EXOC4: variants seen among roughly 807,000 people sequenced by gnomAD.
EXOC4 encodes SEC8-like 1.
Under a neutral mutation model 107.2 loss-of-function variants are expected in EXOC4, and 71 were observed. The observed-to-expected ratio is 0.66, with a 90% CI of 0.55 to 0.81. The LOEUF (loss-of-function observed/expected upper bound fraction) is 0.81, where lower values mean the gene tolerates loss of function less well. Ranked by LOEUF, EXOC4 falls within the 30% of genes least tolerant of loss-of-function variation. The probability of loss-of-function intolerance (pLI) is 0.00; values close to 1 mark genes in which losing one functional copy is unlikely to be tolerated. For missense variants in EXOC4, 1,108 were observed against 1,189.6 expected (o/e 0.93, Z 1.01); for synonymous variants, 456 against 441.2 (o/e 1.03, Z -0.42).
At chr7:133,488,065 T>C (rs1189702734) in intron 9 of EXOC4, among the ~76,000 whole-genome samples, 1 of 152,188 alleles carries the variant, frequency 6.6e-6, no homozygotes, top group Admixed American at 6.5e-5. Flanking sequence ...AATGAATTTA[T>C]TATTGTCCCA....
At chr7:133,483,491 A>G (rs1023809496) in intron 9 of EXOC4, among the ~76,000 whole-genome samples, 24 of 152,204 alleles carry the variant, frequency 1.6e-4, no homozygotes, top group African/African-American at 5.3e-4. Flanking sequence ...AATCACTACA[A>G]TCTAACTAGG....
At chr7:133,475,578 GAAGTA>G (rs1798992371) in intron 8 of EXOC4, 105 bp downstream of exon 8, 1 of 1,026,824 alleles carries the variant, frequency 9.7e-7, no homozygotes. Context: ...TAAGTTGATT[GAAGTA>G]ATTTAGAGGA....
intron 10 of EXOC4, among the ~76,000 whole-genome samples, chr7:133,817,045 T>G (rs1478219788): frequency 6.6e-6 from 1 of 152,220 alleles, no homozygotes; most frequent in Non-Finnish European, 1.5e-5. Context: ...TTTCCCATTG[T>G]TTCTTGTAGT....
At chr7:133,369,041 G>A (rs1392276803) in intron 6 of EXOC4, among the ~76,000 whole-genome samples, 2 of 152,190 alleles carry the variant, frequency 1.3e-5, no homozygotes, top group Non-Finnish European at 2.9e-5. Flanking sequence ...TTGGGAGTTG[G>A]GCAGGGAATG....
intron 10 of EXOC4, among the ~76,000 whole-genome samples, chr7:133,673,096 T>G (rs1372175355): frequency 6.6e-6 from 1 of 152,208 alleles, no homozygotes; most frequent in Non-Finnish European, 1.5e-5. Flanking sequence ...CCAGGGCTTA[T>G]TTTAGAGGAG....
chr7:133,885,986 A>T (rs1799078146), intron 11 of EXOC4, among the ~76,000 whole-genome samples: 1 of 152,162 alleles, frequency 6.6e-6, no homozygotes, highest in Non-Finnish European at 1.5e-5. Context: ...AAGGATCGAG[A>T]AGTAAGAGGC....
At chr7:133,268,249 T>C (rs1380416275) in intron 1 of EXOC4, among the ~76,000 whole-genome samples, 2 of 152,352 alleles carry the variant, frequency 1.3e-5, no homozygotes, top group East Asian at 1.9e-4. Flanking sequence ...TCTGGGTGTT[T>C]TAAAATTCCA....
chr7:133,443,640 TG>T (rs1047082117), intron 7 of EXOC4, among the ~76,000 whole-genome samples: 1 of 152,144 alleles, frequency 6.6e-6, no homozygotes, highest in Admixed American at 6.5e-5. Flanking sequence ...CTTGACCTCC[TG>T]GGGGCATCAG....
At chr7:133,980,455 T>A (rs1489100193) in intron 14 of EXOC4, among the ~76,000 whole-genome samples, 6 of 152,236 alleles carry the variant, frequency 3.9e-5, no homozygotes, top group Admixed American at 3.9e-4. Context: ...GCTGAAAATG[T>A]AGTCACTTCA....
chr7:133,451,034 T>C (rs1272704770), intron 7 of EXOC4, among the ~76,000 whole-genome samples: 3 of 152,184 alleles, frequency 2.0e-5, no homozygotes, highest in Non-Finnish European at 4.4e-5. Flanking sequence ...ATACAGACAG[T>C]GCAAGAGTGG....
intron 14 of EXOC4, among the ~76,000 whole-genome samples, chr7:133,940,523 G>A (rs1800401468): frequency 6.6e-6 from 1 of 152,126 alleles, no homozygotes; most frequent in South Asian, 2.1e-4. Context: ...GCATTTTGAG[G>A]ATCAGTGCAA....
chr7:133,423,402 A>C (rs911575922), intron 7 of EXOC4, among the ~76,000 whole-genome samples: 2 of 152,100 alleles, frequency 1.3e-5, no homozygotes, highest in Non-Finnish European at 2.9e-5. Flanking sequence ...TTTTGTCCTC[A>C]CTTTAGGTAA....
chr7:133,384,827 G>A (rs1175961515), intron 7 of EXOC4, among the ~76,000 whole-genome samples: 1 of 125,212 alleles, frequency 8.0e-6, no homozygotes, highest in East Asian at 2.2e-4. Context: ...TTTTTTTTCT[G>A]TATGCCAAAT....
intron 7 of EXOC4, among the ~76,000 whole-genome samples, chr7:133,383,226 T>C (rs1403937409): frequency 6.6e-6 from 1 of 152,026 alleles, no homozygotes; most frequent in Non-Finnish European, 1.5e-5. Context: ...GAGGATCACT[T>C]TGAACAAACC....
chr7:134,003,205 A>G (rs891624107), intron 15 of EXOC4, among the ~76,000 whole-genome samples: 7 of 152,342 alleles, frequency 4.6e-5, no homozygotes, highest in Non-Finnish European at 8.8e-5. Context: ...TCAAAAGGCT[A>G]CATACTGTAT....
At position 133,464,815 on chromosome 7, in the gene EXOC4, T is replaced by G. The variant is rs28706001; in HGVS notation, c.1183-10513T>G. ...TTTTTTTTGTTGGTTGGGTTGGTTT[T>G]TTTTTTTTTTTTTTTTTTTTTGGAG... On this transcript the variant is annotated intron_variant, in intron 7 of 17. Coordinates refer to ENST00000253861, the MANE Select transcript of EXOC4 (RefSeq NM_021807.4). Among the ~76,000 whole-genome samples, 236 of 95,364 alleles carry G rather than the reference T, an allele frequency of 2.5e-3. 6 individuals carry two copies. The highest frequency in any genetic ancestry group is 8.0e-3 in the African/African-American group (223 of 27,798). The allele number at this position is 95,364 out of a possible 152,430, so 62.6% of individuals were successfully genotyped here. A position where few individuals can be genotyped will look rare whatever the true frequency, so the allele number is the denominator to read the frequency against.
intron 11 of EXOC4, among the ~76,000 whole-genome samples, chr7:133,853,930 C>T (rs970647587): frequency 4.6e-5 from 7 of 152,288 alleles, no homozygotes; most frequent in Middle Eastern, 3.4e-3. Flanking sequence ...AGAGTATTCA[C>T]GAACAAGGTT....
intron 11 of EXOC4, among the ~76,000 whole-genome samples, chr7:133,847,527 TA>T (rs1226478328): frequency 1.4e-5 from 2 of 145,962 alleles, no homozygotes; most frequent in Non-Finnish European, 3.0e-5. Flanking sequence ...CCTGTGCCAC[TA>T]CACCAGCTAT....
chr7:133,970,151 A>G (rs867305216), intron 14 of EXOC4, among the ~76,000 whole-genome samples: 1 of 152,016 alleles, frequency 6.6e-6, no homozygotes, highest in African/African-American at 2.4e-5. Flanking sequence ...CTGTGAGGGG[A>G]AAACTGCCTA....
Sources: gnomAD v4.1 joint callset for allele counts (sites outside exome capture counted in the v4.1 genomes callset) on GRCh38, gnomAD v4.1.1 for gene constraint, MANE v1.5 for transcripts, NCBI Gene and HGNC (gene_info 2026-07-23, HGNC 2026-07-21) for gene names.